The following SAXO1 variants were observed in gnomAD, a reference collection of about 807,000 sequenced individuals.
SAXO1 encodes the protein stabilizer of axonemal microtubules 1, also known as 4930500O09Rik.
In SAXO1, 21 loss-of-function variants were observed where a neutral mutation model predicts 17.5. The observed-to-expected ratio is 1.20, with a 90% CI of 0.85 to 1.72. The LOEUF is 1.72. SAXO1 is among the 40% of genes most tolerant of loss of function. The pLI, the probability that SAXO1 is intolerant of heterozygous loss-of-function variation, is 0.00. For synonymous variants in SAXO1, 274 were observed against 216.5 expected (o/e 1.27, Z -2.33); for missense variants, 843 against 596.0 (o/e 1.41, Z -4.32).
At chr9:19,027,231 C>T (rs1384164093) in intron 1 of SAXO1, 1 of 1,139,806 alleles carries the variant, frequency 8.8e-7, no homozygotes, top group Admixed American at 1.7e-5. Flanking sequence ...CTCTACACGA[C>T]AGACATACTT....
intron 1 of SAXO1, among the ~76,000 whole-genome samples, chr9:19,005,019 C>T: frequency 6.6e-6 from 1 of 151,172 alleles, no homozygotes; most frequent in South Asian, 2.2e-4. Flanking sequence ...TGAAAATAAA[C>T]AATTTCATTT....
intron 1 of SAXO1, among the ~76,000 whole-genome samples, chr9:18,961,406 G>C (rs990541366): frequency 2.6e-5 from 4 of 152,086 alleles, no homozygotes; most frequent in Non-Finnish European, 5.9e-5. Context: ...TGTTACATAG[G>C]TATACATGTG....
intron 1 of SAXO1, among the ~76,000 whole-genome samples, chr9:18,961,455 G>A (rs764565181): frequency 1.1e-4 from 16 of 152,054 alleles, no homozygotes; most frequent in South Asian, 2.1e-4. Flanking sequence ...CATCATCTAC[G>A]TTAGGTATTA....
intron 1 of SAXO1, among the ~76,000 whole-genome samples, chr9:19,039,694 TTA>T (rs1291437424): frequency 2.6e-5 from 4 of 152,176 alleles, no homozygotes; most frequent in African/African-American, 9.7e-5. Context: ...GTTGGCTTCA[TTA>T]TGTTTTATGT....
intron 2 of SAXO1, among the ~76,000 whole-genome samples, chr9:18,950,130 C>G (rs550979909): frequency 1.8e-4 from 27 of 152,294 alleles, no homozygotes; most frequent in African/African-American, 5.1e-4. Context: ...TCAGTAGAAA[C>G]ACCTCTGCAA....
chr9:18,992,596 T>C (rs892643803), intron 1 of SAXO1, among the ~76,000 whole-genome samples: 2 of 152,026 alleles, frequency 1.3e-5, no homozygotes, highest in African/African-American at 2.4e-5. Context: ...AGTGGTCAGG[T>C]TGCAAGCAGT....
At chr9:18,949,739 G>T (rs1831951784) in intron 2 of SAXO1, among the ~76,000 whole-genome samples, 1 of 152,174 alleles carries the variant, frequency 6.6e-6, no homozygotes, top group African/African-American at 2.4e-5. Context: ...GAATTAGAAT[G>T]GTTCTGCTTC....
chr9:19,033,807 AGTTTCT>A (rs1198482449), upstream of SAXO1, among the ~76,000 whole-genome samples: 1 of 152,118 alleles, frequency 6.6e-6, no homozygotes, highest in Non-Finnish European at 1.5e-5. Flanking sequence ...CCCCACCCCC[AGTTTCT>A]GATTCAGTGT....
chr9:19,022,878 G>A (rs1209835651), intron 1 of SAXO1, among the ~76,000 whole-genome samples: 3 of 152,162 alleles, frequency 2.0e-5, no homozygotes, highest in African/African-American at 4.8e-5. Flanking sequence ...AAACAGAATA[G>A]TAGGGTATGC....
chr9:18,930,455 T>C (rs1463637132), intron 3 of SAXO1, among the ~76,000 whole-genome samples: 1 of 151,320 alleles, frequency 6.6e-6, no homozygotes, highest in African/African-American at 2.4e-5. Flanking sequence ...GTGAGAAAAA[T>C]GGGATGACAA....
intron 1 of SAXO1, among the ~76,000 whole-genome samples, chr9:19,048,107 A>T (rs1177200860): frequency 6.6e-6 from 1 of 152,372 alleles, no homozygotes; most frequent in East Asian, 1.9e-4. Context: ...AGTAGGAATT[A>T]AAATATTTTT....
chr9:18,950,197 C>G (rs899019494), intron 2 of SAXO1, among the ~76,000 whole-genome samples: 1 of 152,190 alleles, frequency 6.6e-6, no homozygotes, highest in African/African-American at 2.4e-5. Context: ...GCTAAACAAT[C>G]TTAGTTTGGG....
In SAXO1 at chr9:18,984,012, T is replaced by A. The variant is rs551024748; in HGVS notation, c.39-33075A>T. Among the ~76,000 whole-genome samples, 6 of 152,384 alleles carry A rather than the reference T, an allele frequency of 3.9e-5. No homozygotes were observed. The South Asian group carries it at 1.2e-3, about 32-fold the overall frequency. ...ACCCAGGGCTGAAGAATGGATGTTA[T>A]GTTAGCAGGGATAGACAATATTCAT... is the stretch of plus-strand genomic sequence containing the variant. On this transcript the variant is annotated intron_variant, in intron 1 of 3. Coordinates refer to ENST00000380534, the MANE Select transcript of SAXO1 (RefSeq NM_153707.4).
At chr9:18,948,992 T>A (rs1367433969) in intron 2 of SAXO1, among the ~76,000 whole-genome samples, 1 of 152,202 alleles carries the variant, frequency 6.6e-6, no homozygotes, top group Non-Finnish European at 1.5e-5. Flanking sequence ...TGCCTAGGAC[T>A]CTTACTTGGT....
At chr9:18,936,814 T>C (rs1456283262) in intron 3 of SAXO1, among the ~76,000 whole-genome samples, 1 of 152,208 alleles carries the variant, frequency 6.6e-6, no homozygotes, top group East Asian at 1.9e-4. Flanking sequence ...ATCTTTCCAA[T>C]TGCACAGTGT....
In SAXO1 at chr9:18,927,848, T is replaced by C. The variant is rs568110592; in HGVS notation, c.*204A>G. On this transcript the variant is annotated 3_prime_UTR_variant, in exon 4 of 4. Coordinates refer to ENST00000380534, the MANE Select transcript of SAXO1 (RefSeq NM_153707.4). ...GGTGGGGATGCAGTAAAGGAGAAGG[T>C]AAGGGGAGTTAATTAGCCGGTGATT... The C allele has an allele frequency of 1.1e-5, 6 of 551,262 alleles. No homozygotes were observed. The East Asian group carries it at 1.2e-4, about 11-fold the overall frequency. 34.1% of individuals were successfully genotyped at this position (551,262 alleles called of 1,614,324 possible). A position where few individuals can be genotyped will look rare whatever the true frequency, so the allele number is the denominator to read the frequency against.
At chr9:18,998,589 C>A (rs905090689) in intron 1 of SAXO1, among the ~76,000 whole-genome samples, 8 of 152,138 alleles carry the variant, frequency 5.3e-5, no homozygotes, top group Admixed American at 1.3e-4. Context: ...GACAGGCCAA[C>A]ATTCAAATTC....
chr9:19,021,654 T>C (rs111728533), intron 1 of SAXO1, among the ~76,000 whole-genome samples: 3 of 152,338 alleles, frequency 2.0e-5, no homozygotes, highest in African/African-American at 7.2e-5. Flanking sequence ...AATCCAGGAC[T>C]GCAATCCCAA....
chr9:18,965,904 G>A (rs1382415220), intron 1 of SAXO1, among the ~76,000 whole-genome samples: 1 of 152,080 alleles, frequency 6.6e-6, no homozygotes, highest in African/African-American at 2.4e-5. Context: ...TCCATATTTA[G>A]TGCTTCCTTC....
Sources: gnomAD v4.1 joint callset for allele counts (sites outside exome capture counted in the v4.1 genomes callset) on GRCh38, gnomAD v4.1.1 for gene constraint, MANE v1.5 for transcripts, NCBI Gene and HGNC (gene_info 2026-07-23, HGNC 2026-07-21) for gene names.